Variants in CLUAP1 observed in about 807,000 individuals in gnomAD.
The protein encoded by CLUAP1 is clusterin-associated protein 1.
CLUAP1 carries 50 observed loss-of-function variants against 55.0 expected under a neutral mutation model. The observed-to-expected ratio is 0.91, with a 90% confidence interval of 0.72 to 1.15. The LOEUF (loss-of-function observed/expected upper bound fraction) is 1.15. Among genes scored for constraint, CLUAP1 ranks in the 50% most tolerant of loss-of-function variants. CLUAP1 has a pLI of 0.00. For missense variants in CLUAP1, 530 were observed against 507.6 expected (o/e 1.04, Z -0.42); for synonymous variants, 195 against 175.4 (o/e 1.11, Z -0.88).
intron 9 of CLUAP1, among the ~76,000 whole-genome samples, chr16:3,527,498 T>A (rs975629828): frequency 6.6e-6 from 1 of 151,924 alleles, no homozygotes. Flanking sequence ...AGCGTCAGTG[T>A]CAAGGAAAAA....
upstream of CLUAP1, among the ~76,000 whole-genome samples, chr16:3,497,997 C>A (rs1012577516): frequency 6.6e-6 from 1 of 151,938 alleles, no homozygotes; most frequent in Non-Finnish European, 1.5e-5. Context: ...TGTGATTATC[C>A]GGGCTGAGAA....
At chr16:3,514,442 T>C (rs1410561838) in intron 5 of CLUAP1, among the ~76,000 whole-genome samples, 1 of 152,204 alleles carries the variant, frequency 6.6e-6, no homozygotes. Context: ...CACTGAGCTC[T>C]GCCTCCTTGA....
intron 8 of CLUAP1, among the ~76,000 whole-genome samples, chr16:3,526,099 T>A (rs1006315527): frequency 2.0e-5 from 3 of 152,138 alleles, no homozygotes; most frequent in Admixed American, 6.6e-5. Context: ...CCCCAGGTCA[T>A]ACAGGCATGC....
intron 11 of CLUAP1, chr16:3,533,350 G>A (rs1007103831): frequency 2.1e-5 from 12 of 582,040 alleles, no homozygotes; most frequent in African/African-American, 7.5e-5. Flanking sequence ...GCCTGGAGGC[G>A]GGGAAAGCTC....
chr16:3,497,105 A>G (rs111852247), upstream of CLUAP1, among the ~76,000 whole-genome samples: 1 of 152,030 alleles, frequency 6.6e-6, no homozygotes, highest in Non-Finnish European at 1.5e-5. Context: ...TCCTGACGTC[A>G]GGTGATCCGC....
rs1293012146 is a variant in CLUAP1 at position 3,529,500 on chromosome 16, TTA to T, written c.929-1060_929-1059del. Among the ~76,000 whole-genome samples, 37 of 66,182 alleles carry T rather than the reference TTA, an allele frequency of 5.6e-4. No homozygotes were observed. The East Asian group carries it at 0.011, about 19-fold the overall frequency. 43.4% of individuals were successfully genotyped at this position (66,182 alleles called of 152,430 possible). On this transcript the variant is annotated intron_variant, in intron 9 of 11. Coordinates refer to ENST00000576634, the MANE Select transcript of CLUAP1 (RefSeq NM_015041.3). ...TTATATATTATATAATTATATTATATTATATATATTATATAATTATATATTAT... is the reference window on the plus strand; with the variant it reads ...TTATATATTATATAATTATATTATATTATATATTATATAATTATATATTAT...
chr16:3,502,579 G>T (rs188222208), intron 1 of CLUAP1, among the ~76,000 whole-genome samples: 6 of 152,240 alleles, frequency 3.9e-5, no homozygotes, highest in Admixed American at 3.9e-4. Context: ...TTTTGGTTAT[G>T]AATTGCTCTT....
chr16:3,529,589 A>G (rs1282483925), intron 9 of CLUAP1, among the ~76,000 whole-genome samples: 3 of 43,582 alleles, frequency 6.9e-5, no homozygotes, highest in Non-Finnish European at 1.0e-4. Context: ...ATAATATTAT[A>G]TATTATTATA....
intron 8 of CLUAP1, 87 bp downstream of exon 8, chr16:3,523,386 G>GA: frequency 1.4e-6 from 2 of 1,422,160 alleles, no homozygotes; most frequent in Non-Finnish European, 1.9e-6. Context: ...ATATCATTGT[G>GA]AAAAAAATAT....
intron 11 of CLUAP1, chr16:3,535,581 T>G (rs533688113): frequency 1.3e-5 from 2 of 151,960 alleles, no homozygotes; most frequent in South Asian, 4.2e-4. Context: ...TTTTTTTTCT[T>G]TTTTTTTTGA....
chr16:3,529,582 A>ATATTATATAT (rs1472490299), intron 9 of CLUAP1, among the ~76,000 whole-genome samples: 9 of 40,168 alleles, frequency 2.2e-4, no homozygotes, highest in Non-Finnish European at 2.7e-4. Context: ...ATATTATATA[A>ATATTATATAT]TATTATATAT....
At chr16:3,510,596 G>C (rs922667179) in intron 4 of CLUAP1, among the ~76,000 whole-genome samples, 2 of 152,222 alleles carry the variant, frequency 1.3e-5, no homozygotes, top group African/African-American at 4.8e-5. Flanking sequence ...AGAGCTTGCA[G>C]AGCTCATGGG....
At chr16:3,529,481 A>G (rs1380962423) in intron 9 of CLUAP1, among the ~76,000 whole-genome samples, 1 of 83,762 alleles carries the variant, frequency 1.2e-5, no homozygotes, top group African/African-American at 4.9e-5. Context: ...TATATTATAT[A>G]TTATATAATT....
chr16:3,532,209 G>T (rs1370717873), intron 10 of CLUAP1, among the ~76,000 whole-genome samples: 1 of 152,010 alleles, frequency 6.6e-6, no homozygotes, highest in East Asian at 1.9e-4. Context: ...GGGCGTTCTC[G>T]CATTGATATT....
At chr16:3,520,232 T>C (rs561034340) in intron 7 of CLUAP1, among the ~76,000 whole-genome samples, 196 bp downstream of exon 7, 25 of 151,756 alleles carry the variant, frequency 1.6e-4, no homozygotes, top group African/African-American at 5.6e-4. Context: ...ATTACCTCAG[T>C]ATGGTGATAC....
chr16:3,501,030 A>C lies in CLUAP1; in HGVS notation c.-38A>C, dbSNP rs1007660932. 1 of 1,593,370 alleles carries C rather than the reference A, an allele frequency of 6.3e-7. No individual in the cohort carries two copies. Among genetic ancestry groups the C allele is most frequent in the East Asian group, 2.3e-5 (1 of 44,098 alleles). On this transcript the variant is annotated 5_prime_UTR_variant, in exon 1 of 12. Transcript: ENST00000576634. ...CTGGGCCTGTGATCGCTGAGGGGCG[A>C]GCAGTTGCGACCCTGGGCTCCTGGG...
rs770138560 is a variant in CLUAP1, at chr16:3,509,831, T to TATTG, written c.399+1363_399+1364insATTG. On this transcript the variant is annotated intron_variant, in intron 4 of 11. Transcript: ENST00000576634. ...AGCCACACACAGCTTTTTTGTTTTGTTTTTGTTTTGTTTTGAGACGGAGTT... is the reference window on the plus strand; with the variant it reads ...AGCCACACACAGCTTTTTTGTTTTGTATTGTTTTGTTTTGTTTTGAGACGGAGTT... 4.1e-3 allele frequency: 228 copies of TATTG among 55,086 alleles called. 1 individual carries two copies. Among genetic ancestry groups the TATTG allele is most frequent in the African/African-American group, 0.012 (34 of 2,906 alleles). 3.4% of individuals were successfully genotyped at this position (55,086 alleles called of 1,614,324 possible). A position where few individuals can be genotyped will look rare whatever the true frequency, so the allele number is the denominator to read the frequency against.
At chr16:3,505,856 C>T (rs2037496563) in intron 2 of CLUAP1, among the ~76,000 whole-genome samples, 1 of 152,200 alleles carries the variant, frequency 6.6e-6, no homozygotes, top group South Asian at 2.1e-4. Flanking sequence ...TTCATAAGAT[C>T]TCTATTGCGT....
chr16:3,507,186 ACT>A (rs1367032155), intron 3 of CLUAP1, among the ~76,000 whole-genome samples: 1 of 149,654 alleles, frequency 6.7e-6, no homozygotes, highest in Non-Finnish European at 1.5e-5. Flanking sequence ...ACAGAGCAAG[ACT>A]CTGTCTTAAA....
Sources: allele counts gnomAD v4.1 joint callset (sites outside exome capture counted in the v4.1 genomes callset), GRCh38; gene constraint gnomAD v4.1.1; transcripts MANE v1.5; gene names NCBI Gene and HGNC (gene_info 2026-07-23, HGNC 2026-07-21).